CACNA1B: variants seen among roughly 807,000 people sequenced by gnomAD.
The protein encoded by CACNA1B is voltage-dependent N-type calcium channel subunit alpha-1B.
A neutral mutation model predicts 247.2 loss-of-function variants in CACNA1B; 70 were observed. The observed-to-expected ratio is 0.28, with a 90% CI of 0.23 to 0.35. The LOEUF (loss-of-function observed/expected upper bound fraction) is 0.35, where lower values mean the gene tolerates loss of function less well. Among genes scored for constraint, CACNA1B ranks in the 10% least tolerant of loss-of-function variants. The pLI is 1.00. For synonymous variants in CACNA1B, 1,231 were observed against 1,294.4 expected, an observed-to-expected ratio of 0.95 and a Z score of 1.05; for missense variants, 2,367 against 3,197.4, an observed-to-expected ratio of 0.74 and a Z score of 6.26.
chr9:137,958,433 A>G (rs1197348353), intron 10 of CACNA1B, among the ~76,000 whole-genome samples: 1 of 152,236 alleles, frequency 6.6e-6, no homozygotes, highest in Non-Finnish European at 1.5e-5. Flanking sequence ...ATGATTTCAT[A>G]CAAACTTTTC....
At chr9:137,966,103 A>G (rs561873427) in intron 10 of CACNA1B, among the ~76,000 whole-genome samples, 1 of 152,092 alleles carries the variant, frequency 6.6e-6, no homozygotes, top group East Asian at 1.9e-4. Context: ...TTTTGTTGCT[A>G]TCACTGGTTT....
intron 6 of CACNA1B, among the ~76,000 whole-genome samples, chr9:137,922,201 G>A (rs1052076922): frequency 2.1e-5 from 3 of 145,074 alleles, no homozygotes; most frequent in Non-Finnish European, 3.0e-5. Context: ...TAAAGCGTTC[G>A]GAGAACATGA....
intron 1 of CACNA1B, among the ~76,000 whole-genome samples, 189 bp from the exon 2 acceptor site, chr9:137,878,865 G>C (rs1241209764): frequency 6.6e-6 from 1 of 152,186 alleles, no homozygotes; most frequent in Non-Finnish European, 1.5e-5. Context: ...CCGCCTCGCG[G>C]CCGCCCCTAG....
At chr9:138,036,099 C>T (rs1468414338) in intron 20 of CACNA1B, among the ~76,000 whole-genome samples, 1 of 151,752 alleles carries the variant, frequency 6.6e-6, no homozygotes, top group Admixed American at 6.6e-5. Context: ...CATTGGGTTT[C>T]TTTCCCCCCC....
At position 138,070,153 on chromosome 9, in the gene CACNA1B, C is replaced by T. The variant is rs540676913; in HGVS notation, c.4674+390C>T. Among the ~76,000 whole-genome samples, 9 of 152,328 alleles carry T rather than the reference C, an allele frequency of 5.9e-5. No homozygotes were observed. The South Asian group carries it at 1.2e-3, about 21-fold the overall frequency. On this transcript the variant is annotated intron_variant, in intron 32 of 46. Coordinates refer to ENST00000371372, the MANE Select transcript of CACNA1B (RefSeq NM_000718.4). ...CCCTGCGAGTCCATGGTTCCTGTTGCGCAGCCATCTCCCACCTGCTGTGTC... is the reference window on the plus strand; with the variant it reads ...CCCTGCGAGTCCATGGTTCCTGTTGTGCAGCCATCTCCCACCTGCTGTGTC...
At chr9:138,026,652 C>T (rs1369953272) in intron 20 of CACNA1B, among the ~76,000 whole-genome samples, 19 of 152,174 alleles carry the variant, frequency 1.2e-4, no homozygotes, top group South Asian at 2.1e-4. Context: ...TTTGGGCATA[C>T]CACAGTTTAT....
chr9:138,000,206 C>T (rs1390693710), intron 15 of CACNA1B, among the ~76,000 whole-genome samples: 1 of 151,522 alleles, frequency 6.6e-6, no homozygotes. Flanking sequence ...TCACGCCATT[C>T]TCCTGCCTCA....
intron 11 of CACNA1B, among the ~76,000 whole-genome samples, chr9:137,975,001 C>T (rs1218333433): frequency 2.0e-5 from 3 of 152,218 alleles, no homozygotes; most frequent in African/African-American, 7.2e-5. Context: ...GGACTCCTGG[C>T]TCAGCCAGCG....
At chr9:137,921,659 A>G (rs1315172249) in intron 6 of CACNA1B, among the ~76,000 whole-genome samples, 15 of 128,140 alleles carry the variant, frequency 1.2e-4, no homozygotes, top group Admixed American at 1.5e-4. Context: ...CCACGACCGC[A>G]CAGCATCCTG....
chr9:138,120,907 G>C (rs764133395), intron 46 of CACNA1B, 26 bp downstream of exon 46: 2 of 1,539,426 alleles, frequency 1.3e-6, no homozygotes, highest in Non-Finnish European at 1.7e-6. Context: ...GGAGAGGTCA[G>C]GGCCCAGCTG....
At chr9:137,896,783 G>T (rs997866309) in intron 3 of CACNA1B, among the ~76,000 whole-genome samples, 1 of 151,278 alleles carries the variant, frequency 6.6e-6, no homozygotes, top group East Asian at 2.0e-4. Context: ...TTCAAGTTAC[G>T]CATTCACTTT....
At chr9:137,958,673 G>A (rs1271750115) in intron 10 of CACNA1B, among the ~76,000 whole-genome samples, 1 of 152,162 alleles carries the variant, frequency 6.6e-6, no homozygotes, top group Non-Finnish European at 1.5e-5. Context: ...TTTCTCTGTG[G>A]GGCAGATTCC....
intron 31 of CACNA1B, among the ~76,000 whole-genome samples, chr9:138,065,162 A>G (rs1033430639): frequency 2.0e-5 from 3 of 152,114 alleles, no homozygotes; most frequent in Non-Finnish European, 4.4e-5. Flanking sequence ...AAGCTCCCCT[A>G]CATTAAAAAT....
chr9:138,074,556 C>T (rs1589112970), intron 34 of CACNA1B, among the ~76,000 whole-genome samples: 1 of 152,346 alleles, frequency 6.6e-6, no homozygotes, highest in South Asian at 2.1e-4. Flanking sequence ...TTACGTAACC[C>T]TCAGAAAGAC....
rs1215418845 is a variant in CACNA1B, at chr9:138,011,101, C to G, written c.2160+1024C>G. 2.0e-5 allele frequency among the ~76,000 whole-genome samples: 3 copies of G among 152,218 alleles called. No homozygotes were observed. The highest frequency in any genetic ancestry group is 4.4e-5 in the Non-Finnish European group (3 of 68,040). On this transcript the variant is annotated intron_variant, in intron 17 of 46. Coordinates refer to ENST00000371372, the MANE Select transcript of CACNA1B (RefSeq NM_000718.4). The surrounding 1 kb of genome is among the most constrained non-coding windows in gnomAD (Gnocchi z 4.2). ...CATGGCCATGCCTATGCCTAGGGGC[C>G]CGGATTCCTCCCTGGCGCTCTGGTT...
Position 138,075,858 on chromosome 9 carries a change from A to T in CACNA1B, c.4897A>T (p.Asn1633Tyr). Residue 1633 changes from asparagine to tyrosine, a missense_variant, in exon 35 of 47, where the codon AAC becomes TAC. This residue lies in a region of CACNA1B where 436 missense variants were observed against 679.5 expected (regional missense o/e 0.64). Transcript: ENST00000371372. ...TGCCCTGGATGATGACACCAGCATCAACCGCCACAACAACTTCCGGACGTT... is the reference window on the plus strand; with the variant it reads ...TGCCCTGGATGATGACACCAGCATCTACCGCCACAACAACTTCCGGACGTT... Reference protein sequence around the residue: ...NIALDDDTSINRHNNFRTFLQ... With the variant: ...NIALDDDTSIYRHNNFRTFLQ... 6.2e-7 allele frequency: 1 copy of T among 1,608,892 alleles called. No homozygotes were observed. Among genetic ancestry groups the T allele is most frequent in the Non-Finnish European group, 8.5e-7 (1 of 1,176,014 alleles).
intron 3 of CACNA1B, among the ~76,000 whole-genome samples, chr9:137,896,099 T>C (rs1819312268): frequency 6.6e-6 from 1 of 151,776 alleles, no homozygotes; most frequent in East Asian, 1.9e-4. Flanking sequence ...GTTAGCCGGG[T>C]GTGGTGGCAG....
chr9:138,004,519 C>T (rs948060595), intron 15 of CACNA1B, among the ~76,000 whole-genome samples: 8 of 146,528 alleles, frequency 5.5e-5, no homozygotes, highest in South Asian at 2.2e-4. Context: ...CACTGCACTC[C>T]GGCCTGGGAA....
intron 15 of CACNA1B, among the ~76,000 whole-genome samples, chr9:138,004,549 C>CAAAA (rs762250306): frequency 1.6e-5 from 1 of 62,454 alleles, no homozygotes; most frequent in Admixed American, 1.9e-4. Context: ...GACCCTGTCT[C>CAAAA]AAAAAAAAAA....
Sources: gnomAD v4.1 joint callset for allele counts (sites outside exome capture counted in the v4.1 genomes callset) on GRCh38, gnomAD v4.1.1 for gene constraint, gnomAD v4.1.1 regional missense constraint, Gnocchi (gnomAD v3.1) non-coding constraint, MANE v1.5 for transcripts, NCBI Gene and HGNC (gene_info 2026-07-23, HGNC 2026-07-21) for gene names.